The following PHACTR2 variants were observed in gnomAD, a reference collection of about 807,000 sequenced individuals.
The protein encoded by PHACTR2 is chromosome 6 open reading frame 56.
Under a neutral mutation model 76.0 loss-of-function variants are expected in PHACTR2, and 30 were observed. The observed-to-expected ratio is 0.39, with a 90% CI of 0.30 to 0.54. The LOEUF is 0.54. Among genes scored for constraint, PHACTR2 ranks in the 20% least tolerant of loss-of-function variants. The pLI, the probability that PHACTR2 is intolerant of heterozygous loss-of-function variation, is 0.61. For missense variants in PHACTR2, 696 were observed against 781.1 expected, an observed-to-expected ratio of 0.89 and a Z score of 1.30; for synonymous variants, 292 against 292.5, an observed-to-expected ratio of 1.00 and a Z score of 0.02.
At position 143,618,692 on chromosome 6, in the gene PHACTR2, G is replaced by A. The variant is rs1403641808; in HGVS notation, c.13+10370G>A. On this transcript the variant is annotated intron_variant, in intron 1 of 11. Transcript: ENST00000305766. This position sits in a 1 kb window ranked among gnomAD's most constrained non-coding sequence, Gnocchi z 5.2. ...TCTCCCCAGACCCTCTCACTTGCAT[G>A]TCCCCTATTGCCATATTGCAAAGCC... Among the ~76,000 whole-genome samples, 2 of 151,966 alleles carry A rather than the reference G, an allele frequency of 1.3e-5. No individual in the cohort carries two copies. The highest frequency in any genetic ancestry group is 2.9e-5 in the Non-Finnish European group (2 of 68,008).
rs1166790389 is a variant in PHACTR2 at position 143,678,894 on chromosome 6, A to G, written c.46+685A>G. ...TTCTTTTTTCCATTTTCTTAAACAA[A>G]AAGAGGGAAGGAAGGTACGTCTGGC... On this transcript the variant is annotated intron_variant, in intron 1 of 12. Coordinates refer to ENST00000440869, the MANE Select transcript of PHACTR2 (RefSeq NM_001100164.2). This position sits in a 1 kb window ranked among gnomAD's most constrained non-coding sequence, Gnocchi z 6.2. Among the ~76,000 whole-genome samples the G allele has an allele frequency of 1.3e-5, 2 of 152,108 alleles. No homozygotes were observed. Among genetic ancestry groups the G allele is most frequent in the African/African-American group, 4.8e-5 (2 of 41,428 alleles).
At chr6:143,773,397 T>C (rs1422866500) in intron 7 of PHACTR2, among the ~76,000 whole-genome samples, 1 of 152,182 alleles carries the variant, frequency 6.6e-6, no homozygotes, top group Admixed American at 6.5e-5. Flanking sequence ...GAAAGTGCTT[T>C]TATTTTTTTT....
At chr6:143,788,995 A>G in intron 11 of PHACTR2, 85 bp downstream of exon 11, 1 of 1,249,312 alleles carries the variant, frequency 8.0e-7, no homozygotes, top group Admixed American at 1.8e-5. Flanking sequence ...AAGTCATCCC[A>G]GGGGACGAGA....
intron 1 of PHACTR2, among the ~76,000 whole-genome samples, chr6:143,540,420 CCTT>C (rs1486011555): frequency 6.6e-6 from 1 of 152,180 alleles, no homozygotes; most frequent in Non-Finnish European, 1.5e-5. Flanking sequence ...CCACCTCCAT[CCTT>C]CTTTCCAGGA....
At position 143,760,538 on chromosome 6, in the gene PHACTR2, G is replaced by A. The variant is rs775456066; in HGVS notation, c.592G>A (p.Gly198Ser). ...KGATAGASHK[G>S]DEVPPIKKNT... ...GGCCACTGCTGGGGCCAGCCACAAA[G>A]GTGATGAAGTGCCTCCCATTAAAAA... The change falls in exon 5 of 13, where the codon GGT (glycine) becomes AGT (serine). Residue 198 changes from glycine (G) to serine (S), a missense_variant. Physicochemically the swap from Gly to Ser is moderately conservative, Grantham distance 56. Around this residue, in one of 2 missense-constraint regions of PHACTR2, gnomAD observed 460 missense variants for 450.9 expected, o/e 1.02. Coordinates refer to ENST00000440869, the MANE Select transcript of PHACTR2 (RefSeq NM_001100164.2). This position sits in a 1 kb window ranked among gnomAD's most constrained non-coding sequence, Gnocchi z 6.4. 4.3e-6 allele frequency: 7 copies of A among 1,613,786 alleles called. No homozygotes were observed. Among genetic ancestry groups the A allele is most frequent in the Non-Finnish European group, 5.9e-6 (7 of 1,179,878 alleles).
intron 12 of PHACTR2, among the ~76,000 whole-genome samples, chr6:143,813,135 T>G (rs1178299220): frequency 6.6e-6 from 1 of 152,164 alleles, no homozygotes; most frequent in Non-Finnish European, 1.5e-5. Context: ...TTTTGGAGTA[T>G]ACAAAGTAGT....
chr6:143,771,315 A>C (rs1246357973), intron 6 of PHACTR2, among the ~76,000 whole-genome samples: 2 of 144,930 alleles, frequency 1.4e-5, no homozygotes, highest in Non-Finnish European at 3.0e-5. Flanking sequence ...GGCTCACTGC[A>C]GTCTCGATTT....
In PHACTR2 at chr6:143,765,891, A is replaced by C. The variant is rs1201016486; in HGVS notation, c.1232+93A>C. On this transcript the variant is annotated intron_variant, in intron 6 of 12. Transcript: ENST00000440869. The surrounding 1 kb of genome is among the most constrained non-coding windows in gnomAD (Gnocchi z 4.1). ...TGAAGCACCGGGTTTGCTTTCTTAT[A>C]TAATTTAATCTACTGAGTGTTAGGT... 9.2e-7 allele frequency: 1 copy of C among 1,086,350 alleles called. No individual in the cohort carries two copies. Among genetic ancestry groups the C allele is most frequent in the Non-Finnish European group, 1.3e-6 (1 of 756,094 alleles). The allele number at this position is 1,086,350 out of a possible 1,614,324, so 67.3% of individuals were successfully genotyped here. A position where few individuals can be genotyped will look rare whatever the true frequency, so the allele number is the denominator to read the frequency against.
rs913667263 is a variant in PHACTR2 at position 143,816,246 on chromosome 6, C to A, written c.1923-7428C>A. Among the ~76,000 whole-genome samples, 2 of 152,040 alleles carry A rather than the reference C, an allele frequency of 1.3e-5. No individual in the cohort carries two copies. Among genetic ancestry groups the A allele is most frequent in the African/African-American group, 4.8e-5 (2 of 41,394 alleles). On this transcript the variant is annotated intron_variant, in intron 12 of 12. Coordinates refer to ENST00000440869, the MANE Select transcript of PHACTR2 (RefSeq NM_001100164.2). The surrounding 1 kb of genome is among the most constrained non-coding windows in gnomAD (Gnocchi z 4.5). ...TGTCACATAGACAAACTTCTCAAGA[C>A]GTAAAGCTGAACTTCTCCTACCTTA... is the stretch of plus-strand genomic sequence containing the variant.
In PHACTR2 at chr6:143,760,200, C is replaced by T. The variant is rs1207967747; in HGVS notation, c.455-201C>T. Among the ~76,000 whole-genome samples the T allele has an allele frequency of 1.3e-5, 2 of 152,166 alleles. No homozygotes were observed. Among genetic ancestry groups the T allele is most frequent in the African/African-American group, 2.4e-5 (1 of 41,436 alleles). On this transcript the variant is annotated intron_variant, in intron 4 of 12. Transcript: ENST00000440869. The surrounding 1 kb of genome is among the most constrained non-coding windows in gnomAD (Gnocchi z 6.4). The stretch of plus-strand genomic sequence containing the variant: ...AACCCGGTTTTATTAAAGGGTGATT[C>T]GTGTACCCTGAGAACACTTCTCAGT...
At position 143,753,632 on chromosome 6, in the gene PHACTR2, A is replaced by G. The variant is rs1779234024; in HGVS notation, c.296-122A>G. 1 of 644,224 alleles carries G rather than the reference A, an allele frequency of 1.6e-6. No individual in the cohort carries two copies. The highest frequency in any genetic ancestry group is 1.8e-5 in the African/African-American group (1 of 54,108). The allele number at this position is 644,224 out of a possible 1,614,324, so 39.9% of individuals were successfully genotyped here. On this transcript the variant is annotated intron_variant, in intron 3 of 12. Transcript: ENST00000440869. The surrounding 1 kb of genome is among the most constrained non-coding windows in gnomAD (Gnocchi z 4.6). ...TTTGAATAAACCGGTGAAACAGTGC[A>G]GGGTGTATTTGGTTCCCAGGGACTG...
At chr6:143,716,412 A>T (rs1048842512) in intron 2 of PHACTR2, among the ~76,000 whole-genome samples, 2 of 152,022 alleles carry the variant, frequency 1.3e-5, no homozygotes, top group Admixed American at 1.3e-4. Flanking sequence ...TGCAGCCTCA[A>T]TCTCCTGGCT....
In PHACTR2 at chr6:143,591,754, C is replaced by T; in HGVS notation, c.217+54547C>T. Among the ~76,000 whole-genome samples the T allele has an allele frequency of 6.6e-6, 1 of 152,214 alleles. No individual in the cohort carries two copies. The highest frequency in any genetic ancestry group is 2.4e-5 in the African/African-American group (1 of 41,452). On this transcript the variant is annotated intron_variant, in intron 1 of 11. Transcript: ENST00000367584. The surrounding 1 kb of genome is among the most constrained non-coding windows in gnomAD (Gnocchi z 6.4). ...TCCCTGCTCTGGGCGCCACCTTGGCCTCCTCCAATTATCCATCTCTCCCAG... is the reference window on the plus strand; with the variant it reads ...TCCCTGCTCTGGGCGCCACCTTGGCTTCCTCCAATTATCCATCTCTCCCAG...
chr6:143,672,699 ACTT>A lies in PHACTR2; in HGVS notation c.14-39310_14-39308del, dbSNP rs766310933. Among the ~76,000 whole-genome samples the A allele has an allele frequency of 1.3e-5, 2 of 151,762 alleles. No homozygotes were observed. The highest frequency in any genetic ancestry group is 2.1e-4 in the South Asian group (1 of 4,808). On this transcript the variant is annotated intron_variant, in intron 1 of 11. Coordinates refer to the PHACTR2 transcript ENST00000305766. The surrounding 1 kb of genome is among the most constrained non-coding windows in gnomAD (Gnocchi z 5.8). Reference sequence around the variant, plus strand: ...GCATCCCTAGCACTTGGAGGAACAAACTTCTTCTTTTTTATTTTTATTTTTATT... The same window carrying A: ...GCATCCCTAGCACTTGGAGGAACAAACTTCTTTTTTATTTTTATTTTTATT...
chr6:143,624,615 T>C lies in PHACTR2; in HGVS notation c.13+16293T>C, dbSNP rs892148281. The stretch of plus-strand genomic sequence containing the variant: ...CAGTTTATTTTCATGGTATGCGGCT[T>C]TTTTCACATGGCTAAATTCCAGCCT... On this transcript the variant is annotated intron_variant, in intron 1 of 11. Transcript: ENST00000305766. This position sits in a 1 kb window ranked among gnomAD's most constrained non-coding sequence, Gnocchi z 4.6. 2.0e-5 allele frequency among the ~76,000 whole-genome samples: 3 copies of C among 152,128 alleles called. No homozygotes were observed. Among genetic ancestry groups the C allele is most frequent in the African/African-American group, 7.2e-5 (3 of 41,438 alleles).
rs148826801 is a variant in PHACTR2 at position 143,744,831 on chromosome 6, T to C, written c.215-4154T>C. Among the ~76,000 whole-genome samples the C allele has an allele frequency of 8.1e-4, 123 of 152,340 alleles. 1 individual carries two copies. Among genetic ancestry groups the C allele is most frequent in the Middle Eastern group, 6.8e-3 (2 of 294 alleles). ...AGTCAGGAAAATACAGGGCAGTGTT[T>C]CCTTCACTTCCCAGAGAGAATTAGA... On this transcript the variant is annotated intron_variant, in intron 2 of 12. Transcript: ENST00000440869.
intron 1 of PHACTR2, among the ~76,000 whole-genome samples, chr6:143,552,941 A>G (rs1754035236): frequency 6.6e-6 from 1 of 152,128 alleles, no homozygotes; most frequent in African/African-American, 2.4e-5. Flanking sequence ...GAACAAACCA[A>G]AAAACACATT....
chr6:143,796,796 A>G (rs897037269), intron 11 of PHACTR2, among the ~76,000 whole-genome samples: 8 of 152,072 alleles, frequency 5.3e-5, no homozygotes, highest in Non-Finnish European at 8.8e-5. Flanking sequence ...ACATTTTCTT[A>G]ATCCAGTCTA....
Position 143,742,433 on chromosome 6 carries a change from CA to C in PHACTR2, c.215-6551del, listed in dbSNP as rs933522455. ...CATATTTGTCTGGTTTTAACAGCTCCAGAAGAAAGAGAAAGCCTTGCTTTCC... is the reference window on the plus strand; with the variant it reads ...CATATTTGTCTGGTTTTAACAGCTCCGAAGAAAGAGAAAGCCTTGCTTTCC... On this transcript the variant is annotated intron_variant, in intron 2 of 12. Coordinates refer to ENST00000440869, the MANE Select transcript of PHACTR2 (RefSeq NM_001100164.2). This position sits in a 1 kb window ranked among gnomAD's most constrained non-coding sequence, Gnocchi z 4.5. Among the ~76,000 whole-genome samples the C allele has an allele frequency of 1.6e-4, 25 of 152,214 alleles. No homozygotes were observed. The highest frequency in any genetic ancestry group is 6.0e-4 in the African/African-American group (25 of 41,446).
Sources: gnomAD v4.1 joint callset for allele counts (sites outside exome capture counted in the v4.1 genomes callset) on GRCh38, gnomAD v4.1.1 for gene constraint, gnomAD v4.1.1 regional missense constraint, Gnocchi (gnomAD v3.1) non-coding constraint, MANE v1.5 for transcripts, NCBI Gene and HGNC (gene_info 2026-07-23, HGNC 2026-07-21) for gene names.